Variants in XXYLT1 observed in about 807,000 individuals in gnomAD.
XXYLT1 encodes the protein UDP-xylose:alpha-xyloside alpha-1,3-xylosyltransferase.
In XXYLT1, 20 loss-of-function variants were observed where a neutral mutation model predicts 28.9. The observed-to-expected ratio is 0.69, with a 90% CI of 0.49 to 1.00. XXYLT1 has a LOEUF of 1.00. XXYLT1 is among the 50% of genes least tolerant of loss of function. XXYLT1 has a pLI of 0.00. For synonymous variants in XXYLT1, 257 were observed against 253.8 expected, an observed-to-expected ratio of 1.01 and a Z score of -0.12; for missense variants, 542 against 560.1, an observed-to-expected ratio of 0.97 and a Z score of 0.33.
At chr3:195,198,629 T>C (rs1377325479) in intron 2 of XXYLT1, among the ~76,000 whole-genome samples, 4 of 152,170 alleles carry the variant, frequency 2.6e-5, no homozygotes, top group African/African-American at 9.7e-5. Flanking sequence ...CACAAACTGA[T>C]AGTATTATTT....
rs1174045903 is a variant in XXYLT1 at position 195,244,858 on chromosome 3, A to AC, written c.505-18003_505-18002insG. ...AACATGAGACTCTGTCTCAAAAAAA[A>AC]AAAAAACAAAAAAAAACCCACTCCC... On this transcript the variant is annotated intron_variant, in intron 1 of 3. Coordinates refer to ENST00000310380, the MANE Select transcript of XXYLT1 (RefSeq NM_152531.5). Among the ~76,000 whole-genome samples, 373 of 146,758 alleles carry AC rather than the reference A, an allele frequency of 2.5e-3. 3 individuals carry two copies. Among genetic ancestry groups the AC allele is most frequent in the African/African-American group, 8.7e-3 (350 of 40,240 alleles).
At chr3:195,188,032 T>C (rs966322541) in intron 2 of XXYLT1, among the ~76,000 whole-genome samples, 2 of 152,332 alleles carry the variant, frequency 1.3e-5, no homozygotes, top group East Asian at 3.9e-4. Flanking sequence ...CTCAACGAGC[T>C]TGCTTGGCTC....
At chr3:195,134,868 T>TGTGTGTGTGTGC (rs996449867) in intron 3 of XXYLT1, among the ~76,000 whole-genome samples, 3 of 100,124 alleles carry the variant, frequency 3.0e-5, no homozygotes, top group Non-Finnish European at 6.3e-5. Flanking sequence ...TGTGTGTGTG[T>TGTGTGTGTGTGC]GCGTGTGCGC....
At chr3:195,222,136 G>A (rs1407474146) in intron 2 of XXYLT1, among the ~76,000 whole-genome samples, 1 of 152,228 alleles carries the variant, frequency 6.6e-6, no homozygotes, top group Non-Finnish European at 1.5e-5. Flanking sequence ...CAGAAGACAG[G>A]CAAGGATGCC....
intron 1 of XXYLT1, chr3:195,259,773 G>C: frequency 9.4e-6 from 6 of 638,122 alleles, no homozygotes; most frequent in Non-Finnish European, 1.2e-5. Flanking sequence ...ACCGGCGCCA[G>C]GATACCGAGG....
At chr3:195,151,968 T>C (rs1241992407) in intron 3 of XXYLT1, among the ~76,000 whole-genome samples, 1 of 152,146 alleles carries the variant, frequency 6.6e-6, no homozygotes, top group African/African-American at 2.4e-5. Context: ...ATTACTTCAT[T>C]TGAGTTCTCC....
intron 1 of XXYLT1, among the ~76,000 whole-genome samples, chr3:195,229,240 A>C (rs750689805): frequency 3.9e-5 from 6 of 152,108 alleles, no homozygotes; most frequent in Admixed American, 1.3e-4. Context: ...AAACTTTGTT[A>C]CTATTTTTTT....
intron 1 of XXYLT1, among the ~76,000 whole-genome samples, chr3:195,268,431 CA>C (rs56751794): frequency 0.32 from 42,564 of 133,198 alleles, 7,076 homozygotes; most frequent in East Asian, 0.83. Flanking sequence ...AACTCTGTCT[CA>C]AAAAAAAAAA....
intron 2 of XXYLT1, among the ~76,000 whole-genome samples, chr3:195,185,099 AAGGAAGGAAG>A (rs1307164305): frequency 1.2e-5 from 1 of 80,758 alleles, no homozygotes; most frequent in Non-Finnish European, 2.4e-5. Flanking sequence ...GGAAGGAAGG[AAGGAAGGAAG>A]GAAGGAAGGA....
rs778427071 is a variant in XXYLT1 at position 195,069,922 on chromosome 3, G to A, written c.975C>T (p.Arg325=). The A allele has an allele frequency of 2.8e-5, 45 of 1,613,538 alleles. No homozygotes were observed. The African/African-American group carries it at 3.5e-4, about 12-fold the overall frequency. Residue 325 remains arginine, a synonymous_variant, in exon 4 of 4, where the codon CGC becomes CGT. Transcript: ENST00000310380. ...VQQLADKYHF[R]GHLGDQDFFT... ...AGAAGTCCTGGTCCCCGAGGTGGCC[G>A]CGGAAGTGGTACTTGTCGGCCAGCT... is the stretch of plus-strand genomic sequence containing the variant.
intron 3 of XXYLT1, among the ~76,000 whole-genome samples, chr3:195,090,138 G>C (rs1284757341): frequency 3.3e-5 from 5 of 151,236 alleles, no homozygotes; most frequent in African/African-American, 1.2e-4. Flanking sequence ...AGTCAACAAG[G>C]ATACCCAGGA....
intron 2 of XXYLT1, among the ~76,000 whole-genome samples, chr3:195,222,199 A>G (rs1292066671): frequency 1.3e-5 from 2 of 152,216 alleles, no homozygotes; most frequent in Non-Finnish European, 2.9e-5. Flanking sequence ...GGGTGTCCAC[A>G]TCTGGACATC....
At chr3:195,153,543 C>T (rs1051650345) in intron 3 of XXYLT1, among the ~76,000 whole-genome samples, 17 of 152,128 alleles carry the variant, frequency 1.1e-4, no homozygotes, top group African/African-American at 4.1e-4. Flanking sequence ...TCTGCTGCAG[C>T]GGAGGTCTCA....
chr3:195,252,721 C>CAGAGAGAGAGAGAGAG (rs1313681253), intron 1 of XXYLT1, among the ~76,000 whole-genome samples: 3 of 134,834 alleles, frequency 2.2e-5, no homozygotes, highest in African/African-American at 9.7e-5. Flanking sequence ...CACACACACA[C>CAGAGAGAGAGAGAGAG]ACACACAGAG....
At chr3:195,110,859 G>GTGTGTTGGTGGTGTA (rs1553804046) in intron 3 of XXYLT1, among the ~76,000 whole-genome samples, 3 of 99,218 alleles carry the variant, frequency 3.0e-5, no homozygotes, top group Admixed American at 2.9e-4. Context: ...TGTTGTATAA[G>GTGTGTTGGTGGTGTA]TGTGTGTGTG....
chr3:195,088,103 G>C (rs975993086), intron 3 of XXYLT1, among the ~76,000 whole-genome samples: 1 of 151,786 alleles, frequency 6.6e-6, no homozygotes, highest in South Asian at 2.1e-4. Flanking sequence ...CAGCGAGGCT[G>C]GGGGAGGGGC....
At chr3:195,183,287 G>C (rs1210735863) in intron 2 of XXYLT1, among the ~76,000 whole-genome samples, 1 of 152,174 alleles carries the variant, frequency 6.6e-6, no homozygotes, top group African/African-American at 2.4e-5. Flanking sequence ...CCCCCACGCT[G>C]TTCTAGTAAT....
intron 2 of XXYLT1, among the ~76,000 whole-genome samples, chr3:195,164,564 G>A (rs1172732483): frequency 2.0e-5 from 3 of 152,260 alleles, no homozygotes; most frequent in East Asian, 3.8e-4. Flanking sequence ...TTAGCAAGGA[G>A]GACCAGGCCA....
intron 3 of XXYLT1, 70 bp downstream of exon 3, chr3:195,156,379 G>T: frequency 6.3e-7 from 1 of 1,575,192 alleles, no homozygotes; most frequent in Non-Finnish European, 8.6e-7. Flanking sequence ...ATCTGTCACG[G>T]CTGGCAGAAG....
Sources: allele counts gnomAD v4.1 joint callset (sites outside exome capture counted in the v4.1 genomes callset), GRCh38; gene constraint gnomAD v4.1.1; transcripts MANE v1.5; gene names NCBI Gene and HGNC (gene_info 2026-07-23, HGNC 2026-07-21).